Variants in RPS6KA2 observed in about 807,000 individuals in gnomAD.
RPS6KA2 encodes ribosomal protein S6 kinase alpha-2.
In RPS6KA2, 42 loss-of-function variants were observed where a neutral mutation model predicts 91.8. The ratio of observed to expected loss-of-function variants is 0.46; its 90% CI spans 0.36 to 0.59. The LOEUF (loss-of-function observed/expected upper bound fraction) is 0.59, where lower values mean the gene tolerates loss of function less well. Ranked by LOEUF, RPS6KA2 falls within the 20% of genes least tolerant of loss-of-function variation. The probability of loss-of-function intolerance (pLI) is 0.00; values close to 1 mark genes in which losing one functional copy is unlikely to be tolerated. For synonymous variants in RPS6KA2, 414 were observed against 393.6 expected (o/e 1.05, Z -0.61); for missense variants, 798 against 978.5 (o/e 0.82, Z 2.46).
intron 2 of RPS6KA2, among the ~76,000 whole-genome samples, chr6:166,843,630 C>A (rs1259349501): frequency 6.6e-6 from 1 of 152,190 alleles, no homozygotes; most frequent in Non-Finnish European, 1.5e-5. Flanking sequence ...CAGCCCAGAG[C>A]CAGTAGCTCT....
chr6:166,617,456 C>A (rs1786455000), intron 1 of RPS6KA2, among the ~76,000 whole-genome samples: 1 of 152,140 alleles, frequency 6.6e-6, no homozygotes, highest in Admixed American at 6.5e-5. Flanking sequence ...CTAGATTAGA[C>A]ATTTTTTCTA....
intron 2 of RPS6KA2, among the ~76,000 whole-genome samples, chr6:166,637,192 G>A (rs1787273300): frequency 6.6e-6 from 1 of 152,204 alleles, no homozygotes; most frequent in Non-Finnish European, 1.5e-5. Context: ...AGGGGAACGC[G>A]AGGAGGACAG....
chr6:166,555,846 T>C (rs1196940047), intron 1 of RPS6KA2, among the ~76,000 whole-genome samples: 1 of 151,896 alleles, frequency 6.6e-6, no homozygotes, highest in Non-Finnish European at 1.5e-5. Flanking sequence ...CACTTATAGG[T>C]AAAAATATAC....
intron 2 of RPS6KA2, among the ~76,000 whole-genome samples, chr6:166,798,015 C>T (rs1217567918): frequency 2.0e-5 from 3 of 152,118 alleles, no homozygotes; most frequent in Admixed American, 6.6e-5. Flanking sequence ...AAATGGCACC[C>T]GAATCATCGA....
intron 2 of RPS6KA2, among the ~76,000 whole-genome samples, chr6:166,688,658 C>A (rs956663425): frequency 6.6e-6 from 1 of 152,218 alleles, no homozygotes; most frequent in Admixed American, 6.5e-5. Flanking sequence ...AAGGCGAGAG[C>A]GACAGCGTCA....
chr6:166,810,992 G>A (rs565271923), intron 2 of RPS6KA2, among the ~76,000 whole-genome samples: 2 of 152,254 alleles, frequency 1.3e-5, no homozygotes, highest in Admixed American at 6.5e-5. Flanking sequence ...GAAAGTACCC[G>A]GAGGCCCGCA....
At chr6:166,613,596 G>C (rs1000507095) in intron 1 of RPS6KA2, among the ~76,000 whole-genome samples, 2 of 152,192 alleles carry the variant, frequency 1.3e-5, no homozygotes, top group Non-Finnish European at 2.9e-5. Context: ...CTATCTGCAA[G>C]GCCTGTCCAC....
At chr6:166,779,939 T>C (rs933322070) in intron 2 of RPS6KA2, among the ~76,000 whole-genome samples, 4 of 152,092 alleles carry the variant, frequency 2.6e-5, no homozygotes, top group African/African-American at 4.8e-5. Context: ...GGGAAGGAGA[T>C]AGTTTTTTTG....
intron 1 of RPS6KA2, among the ~76,000 whole-genome samples, chr6:166,544,867 T>C (rs149927512): frequency 2.0e-4 from 30 of 152,340 alleles, no homozygotes; most frequent in African/African-American, 7.2e-4. Context: ...AAGTTTCCCT[T>C]CCATTTCTAA....
chr6:166,832,749 G>A (rs1780219036), intron 2 of RPS6KA2, among the ~76,000 whole-genome samples: 2 of 152,142 alleles, frequency 1.3e-5, no homozygotes, highest in Admixed American at 1.3e-4. Context: ...TCTAACTGGG[G>A]AAATTGTCAG....
At chr6:166,564,720 A>C (rs751314323) in intron 1 of RPS6KA2, among the ~76,000 whole-genome samples, 5 of 152,216 alleles carry the variant, frequency 3.3e-5, no homozygotes, top group Non-Finnish European at 7.3e-5. Flanking sequence ...CAAATAACGC[A>C]GTCTAGAAAA....
chr6:166,430,504 A>C lies in RPS6KA2; in HGVS notation c.1530T>G (p.Ser510Arg). Residue 510 changes from serine (S) to arginine (R), a missense_variant, in exon 16 of 21, where the codon AGT (serine) becomes AGG (arginine). Ser to Arg is a moderately radical substitution (Grantham distance 110, BLOSUM62 -1). Coordinates refer to ENST00000265678, the MANE Select transcript of RPS6KA2 (RefSeq NM_021135.6). ...TCTTGGTGATGGTGCACAGGACGTC[A>C]CTGGCTTCGCGCTCCGAGAAGTATC... ...RQRYFSEREASDVLCTITKTM... is the reference protein window; with the variant it reads ...RQRYFSEREARDVLCTITKTM... The C allele has an allele frequency of 6.2e-7, 1 of 1,614,136 alleles. No individual in the cohort carries two copies. The highest frequency in any genetic ancestry group is 1.1e-5 in the South Asian group (1 of 91,070).
At chr6:166,774,460 T>A (rs1048460855) in intron 2 of RPS6KA2, among the ~76,000 whole-genome samples, 3 of 152,174 alleles carry the variant, frequency 2.0e-5, no homozygotes, top group Admixed American at 1.3e-4. Context: ...GCGTTGGTTA[T>A]TCTGGGTCTT....
At chr6:166,518,352 A>G (rs543952154) in intron 3 of RPS6KA2, among the ~76,000 whole-genome samples, 3 of 151,998 alleles carry the variant, frequency 2.0e-5, no homozygotes, top group East Asian at 1.9e-4. Flanking sequence ...AATATAAACT[A>G]TGGAAGAAAT....
At chr6:166,689,951 G>A (rs974451765) in intron 2 of RPS6KA2, among the ~76,000 whole-genome samples, 4 of 152,264 alleles carry the variant, frequency 2.6e-5, no homozygotes, top group African/African-American at 9.6e-5. Flanking sequence ...GGAGGCCTCT[G>A]GTCCTGCTGC....
chr6:166,547,842 C>T (rs888686740), intron 1 of RPS6KA2, among the ~76,000 whole-genome samples: 3 of 152,230 alleles, frequency 2.0e-5, no homozygotes, highest in African/African-American at 2.4e-5. Context: ...GGCAGACTGG[C>T]GGGCCCTGAA....
At chr6:166,503,873 G>C (rs1380138466) in intron 6 of RPS6KA2, among the ~76,000 whole-genome samples, 2 of 152,182 alleles carry the variant, frequency 1.3e-5, no homozygotes, top group Non-Finnish European at 2.9e-5. Flanking sequence ...AGCCTCACAG[G>C]TCACCACTGC....
At chr6:166,522,587 A>G (rs1416612503) in intron 3 of RPS6KA2, among the ~76,000 whole-genome samples, 2 of 152,236 alleles carry the variant, frequency 1.3e-5, no homozygotes, top group Admixed American at 1.3e-4. Flanking sequence ...GGGCTGTGCT[A>G]GCTCGGTCTC....
chr6:166,608,705 C>T (rs891507924), intron 1 of RPS6KA2, among the ~76,000 whole-genome samples: 4 of 152,190 alleles, frequency 2.6e-5, no homozygotes, highest in Non-Finnish European at 4.4e-5. Flanking sequence ...TGGTCCCTCA[C>T]AAGTTTTCTA....
Sources: allele counts gnomAD v4.1 joint callset (sites outside exome capture counted in the v4.1 genomes callset), GRCh38; gene constraint gnomAD v4.1.1; transcripts MANE v1.5; gene names NCBI Gene and HGNC (gene_info 2026-07-23, HGNC 2026-07-21).